Variants in GAS6 observed in about 807,000 individuals in gnomAD.
GAS6 encodes growth arrest-specific protein 6.
Under a neutral mutation model 75.8 loss-of-function variants are expected in GAS6, and 41 were observed. That is an observed-to-expected ratio of 0.54 (90% confidence interval 0.42 to 0.70). The LOEUF (loss-of-function observed/expected upper bound fraction) is 0.70, where lower values mean the gene tolerates loss of function less well. Among genes scored for constraint, GAS6 ranks in the 30% least tolerant of loss-of-function variants. GAS6 has a pLI of 0.00. For missense variants in GAS6, 854 were observed against 940.2 expected (o/e 0.91, Z 1.20); for synonymous variants, 432 against 412.6 (o/e 1.05, Z -0.57).
In GAS6 at chr13:113,822,113, A is replaced by C; in HGVS notation, c.1727T>G (p.Val576Gly). The C allele has an allele frequency of 6.2e-7, 1 of 1,601,118 alleles. No individual in the cohort carries two copies. The highest frequency in any genetic ancestry group is 8.5e-7 in the Non-Finnish European group (1 of 1,175,512). ...ACCGTCCCTCAGCGAGACGGTGACC[A>C]CGTGCTCTTGGCCGTCGCAGACCTT... ...EIKVCDGQEH[V>G]VTVSLRDGEA... The change falls in exon 14 of 15, where the codon GTG (valine) becomes GGG (glycine). Residue 576 changes from valine (V) to glycine (G), a missense_variant. Coordinates refer to ENST00000327773, the MANE Select transcript of GAS6 (RefSeq NM_000820.4).
chr13:113,821,819 T>G lies in GAS6; in HGVS notation c.1882+139A>C, dbSNP rs2051462800. Reference sequence around the variant, plus strand: ...ATAGCCACTAACGACCCACCTGGACTTCTCCTTCCTCTTAAAACACAAGTC... The same window carrying G: ...ATAGCCACTAACGACCCACCTGGACGTCTCCTTCCTCTTAAAACACAAGTC... On this transcript the variant is annotated intron_variant, in intron 14 of 14. Coordinates refer to ENST00000327773, the MANE Select transcript of GAS6 (RefSeq NM_000820.4). 3 of 649,772 alleles carry G rather than the reference T, an allele frequency of 4.6e-6. No homozygotes were observed. In the East Asian group the frequency reaches 8.8e-5, roughly 19 times the overall value. 40.3% of individuals were successfully genotyped at this position (649,772 alleles called of 1,614,324 possible).
chr13:113,863,935 G>C lies in GAS6; in HGVS notation c.-15C>G. 1.8e-6 allele frequency: 2 copies of C among 1,125,766 alleles called. No homozygotes were observed. Among genetic ancestry groups the C allele is most frequent in the East Asian group, 4.8e-5 (1 of 20,952 alleles). 69.7% of individuals were successfully genotyped at this position (1,125,766 alleles called of 1,614,324 possible). A position where few individuals can be genotyped will look rare whatever the true frequency, so the allele number is the denominator to read the frequency against. On this transcript the variant is annotated 5_prime_UTR_variant, in exon 1 of 15. Coordinates refer to ENST00000327773, the MANE Select transcript of GAS6 (RefSeq NM_000820.4). The surrounding 1 kb of genome is among the most constrained non-coding windows in gnomAD (Gnocchi z 9.4). ...GAAGGGGCCATGGCGGGCCGGGGAC[G>C]CGCGGTCAGAGCGCCCGGGAGGCCG...
chr13:113,825,384 C>T (rs80288662), intron 12 of GAS6, among the ~76,000 whole-genome samples: 406 of 152,282 alleles, frequency 2.7e-3, no homozygotes, highest in East Asian at 0.018. Flanking sequence ...TGCACAGACC[C>T]GGAGATCTGC....
intron 5 of GAS6, among the ~76,000 whole-genome samples, chr13:113,838,719 G>A (rs2051744438): frequency 7.2e-6 from 1 of 139,740 alleles, no homozygotes; most frequent in Non-Finnish European, 1.5e-5. Flanking sequence ...GCACAGCCCA[G>A]CACTGGAGCA....
intron 8 of GAS6, among the ~76,000 whole-genome samples, chr13:113,834,282 T>C (rs1025429963): frequency 1.3e-5 from 2 of 151,926 alleles, no homozygotes; most frequent in African/African-American, 2.4e-5. Flanking sequence ...CGCGGCAGAG[T>C]GGGGACCGTG....
In GAS6 at chr13:113,863,156, G is replaced by A. The variant is rs1006236439; in HGVS notation, c.255+419C>T. 1.3e-5 allele frequency among the ~76,000 whole-genome samples: 2 copies of A among 152,184 alleles called. No homozygotes were observed. Among genetic ancestry groups the A allele is most frequent in the African/African-American group, 2.4e-5 (1 of 41,442 alleles). On this transcript the variant is annotated intron_variant, in intron 2 of 14. Coordinates refer to ENST00000327773, the MANE Select transcript of GAS6 (RefSeq NM_000820.4). This position sits in a 1 kb window ranked among gnomAD's most constrained non-coding sequence, Gnocchi z 9.4. ...CTGCCGCAAGCAGTTCCCGCCCTCG[G>A]CCCTTTCAATTCCTCTTTCGGGAGG... is the stretch of plus-strand genomic sequence containing the variant.
At chr13:113,824,062 C>T (rs1203246365) in intron 12 of GAS6, among the ~76,000 whole-genome samples, 2 of 151,092 alleles carry the variant, frequency 1.3e-5, no homozygotes, top group Admixed American at 1.3e-4. Context: ...CTGTCAGGAG[C>T]ACGCGCGGTC....
At chr13:113,824,223 C>T (rs1469303054) in intron 12 of GAS6, among the ~76,000 whole-genome samples, 8 of 113,940 alleles carry the variant, frequency 7.0e-5, no homozygotes, top group Admixed American at 1.8e-4. Flanking sequence ...GTCGGGAGCA[C>T]GCGCGGTCTG....
At chr13:113,830,161 GAAAACACCTTTC>G (rs2051612254) in intron 10 of GAS6, among the ~76,000 whole-genome samples, 1 of 152,166 alleles carries the variant, frequency 6.6e-6, no homozygotes, top group Admixed American at 6.5e-5. Context: ...CTTCCTGTGT[GAAAACACCTTTC>G]AGGTATTTGG....
chr13:113,855,670 G>A (rs911963265), intron 2 of GAS6, among the ~76,000 whole-genome samples: 2 of 152,120 alleles, frequency 1.3e-5, no homozygotes, highest in African/African-American at 4.8e-5. Context: ...GTCACGCCCC[G>A]GCCTCTCCCA....
chr13:113,828,491 C>T (rs1006484177), intron 11 of GAS6, 56 bp downstream of exon 11: 4 of 1,557,872 alleles, frequency 2.6e-6, no homozygotes, highest in African/African-American at 2.7e-5. Context: ...TTCCTGACAC[C>T]GTTCCCGGGA....
rs867779409 is a variant in GAS6 at position 113,826,616 on chromosome 13, G to A, written c.1477+380C>T. ...CACCTTCTCTCCCCGGCCTCCCGGC[G>A]CCGGCCTCGCAGGCACCTTCTCTCC... On this transcript the variant is annotated intron_variant, in intron 12 of 14. Transcript: ENST00000327773. Among the ~76,000 whole-genome samples the A allele has an allele frequency of 4.4e-4, 22 of 49,928 alleles. 2 individuals carry two copies. Among genetic ancestry groups the A allele is most frequent in the African/African-American group, 1.3e-3 (12 of 8,992 alleles). The allele number at this position is 49,928 out of a possible 152,430, so 32.8% of individuals were successfully genotyped here.
intron 8 of GAS6, 60 bp from the exon 9 acceptor site, chr13:113,832,812 C>T (rs761646014): frequency 6.2e-7 from 1 of 1,608,542 alleles, no homozygotes; most frequent in Non-Finnish European, 8.5e-7. Flanking sequence ...CTCCCCTGAG[C>T]CCCACGCCCC....
At chr13:113,842,202 T>TATGAAGGA in intron 4 of GAS6, 13 of 134,128 alleles carry the variant, frequency 9.7e-5, no homozygotes, top group African/African-American at 3.7e-4. Flanking sequence ...TCTATAAGCC[T>TATGAAGGA]CAGTTTCCTC....
At position 113,837,280 on chromosome 13, in the gene GAS6, G is replaced by A. The variant is rs1460755634; in HGVS notation, c.589+789C>T. Among the ~76,000 whole-genome samples, 1 of 152,072 alleles carries A rather than the reference G, an allele frequency of 6.6e-6. No homozygotes were observed. The highest frequency in any genetic ancestry group is 2.4e-5 in the African/African-American group (1 of 41,394). On this transcript the variant is annotated intron_variant, in intron 6 of 14. Transcript: ENST00000327773. This position sits in a 1 kb window ranked among gnomAD's most constrained non-coding sequence, Gnocchi z 5.1. ...AGCTGCCTTTTGAAATCGGGGGATG[G>A]GGTGTGGCCCCTCCTGTCTGGTCAG...
At chr13:113,828,136 C>T (rs923551087) in intron 11 of GAS6, among the ~76,000 whole-genome samples, 11 of 152,108 alleles carry the variant, frequency 7.2e-5, no homozygotes, top group African/African-American at 1.4e-4. Context: ...TGGTGGCGGG[C>T]GCCTGTAGTC....
intron 2 of GAS6, among the ~76,000 whole-genome samples, chr13:113,858,784 CAT>C (rs1441332482): frequency 2.2e-5 from 3 of 134,540 alleles, no homozygotes; most frequent in South Asian, 2.5e-4. Flanking sequence ...CATGTGTGTA[CAT>C]GTCTGTGACT....
In GAS6 at chr13:113,851,056, T is replaced by C. The variant is rs776182685; in HGVS notation, c.256-3006A>G. On this transcript the variant is annotated intron_variant, in intron 2 of 14. Transcript: ENST00000327773. ...GAATGAATGGATGAGTGGATAGAGA[T>C]GGATGAATGAACAAATGAATGAGTG... Among the ~76,000 whole-genome samples the C allele has an allele frequency of 3.5e-4, 52 of 149,350 alleles. 1 individual carries two copies. Among genetic ancestry groups the C allele is most frequent in the Non-Finnish European group, 5.9e-4 (40 of 67,618 alleles).
At chr13:113,832,211 T>G (rs1225059472) in intron 10 of GAS6, 88 bp downstream of exon 10, 1 of 1,412,208 alleles carries the variant, frequency 7.1e-7, no homozygotes, top group African/African-American at 1.4e-5. Context: ...AGAGCTCATC[T>G]CCTAACGGTT....
Sources: allele counts gnomAD v4.1 joint callset (sites outside exome capture counted in the v4.1 genomes callset), GRCh38; gene constraint gnomAD v4.1.1; non-coding constraint Gnocchi (gnomAD v3.1); transcripts MANE v1.5; gene names NCBI Gene and HGNC (gene_info 2026-07-23, HGNC 2026-07-21).